ADAMTS14: variants seen among roughly 807,000 people sequenced by gnomAD.
The protein encoded by ADAMTS14 is A disintegrin and metalloproteinase with thrombospondin motifs 14.
ADAMTS14 carries 100 observed loss-of-function variants against 128.6 expected under a neutral mutation model. The ratio of observed to expected loss-of-function variants is 0.78; its 90% CI spans 0.66 to 0.92. The LOEUF is 0.92. Ranked by LOEUF, ADAMTS14 falls within the 40% of genes least tolerant of loss-of-function variation. ADAMTS14 has a pLI of 0.00. For missense variants in ADAMTS14, 1,562 were observed against 1,658.6 expected, an observed-to-expected ratio of 0.94 and a Z score of 1.01; for synonymous variants, 665 against 653.8, an observed-to-expected ratio of 1.02 and a Z score of -0.26.
intron 6 of ADAMTS14, among the ~76,000 whole-genome samples, chr10:70,730,899 GT>G (rs1302467717): frequency 6.6e-6 from 1 of 152,164 alleles, no homozygotes; most frequent in African/African-American, 2.4e-5. Flanking sequence ...TGCCCATGTG[GT>G]TTAGCAGACA....
At chr10:70,694,291 C>T (rs775805680) in intron 2 of ADAMTS14, among the ~76,000 whole-genome samples, 1 of 152,218 alleles carries the variant, frequency 6.6e-6, no homozygotes, top group Non-Finnish European at 1.5e-5. Context: ...GTGTCCTCTC[C>T]GTGCTTGTGT....
chr10:70,735,394 C>A, intron 9 of ADAMTS14, 93 bp downstream of exon 9: 1 of 1,500,748 alleles, frequency 6.7e-7, no homozygotes. Context: ...GCCTTCTGCC[C>A]AGCTGGCCAG....
chr10:70,710,104 C>T (rs975186154), intron 4 of ADAMTS14, among the ~76,000 whole-genome samples: 5 of 152,176 alleles, frequency 3.3e-5, no homozygotes, highest in African/African-American at 7.2e-5. Flanking sequence ...AGTGTAGTAC[C>T]GGAGGCAGGT....
chr10:70,745,451 T>TAGA (rs1165205750), intron 15 of ADAMTS14, 145 bp downstream of exon 15: 2 of 881,012 alleles, frequency 2.3e-6, no homozygotes, highest in Non-Finnish European at 3.6e-6. Flanking sequence ...CTTTTCATTT[T>TAGA]ATTTTAAATT....
At chr10:70,686,143 T>C (rs1839944138) in intron 2 of ADAMTS14, among the ~76,000 whole-genome samples, 1 of 152,200 alleles carries the variant, frequency 6.6e-6, no homozygotes, top group African/African-American at 2.4e-5. Flanking sequence ...TTCAGTAGCA[T>C]GGCTGATGGG....
At chr10:70,674,532 T>G in intron 1 of ADAMTS14, 24 bp from the exon 2 acceptor site, 2 of 1,597,564 alleles carry the variant, frequency 1.3e-6, no homozygotes, top group Non-Finnish European at 1.7e-6. Context: ...TGCATTGAAG[T>G]GACTCTTTGT....
chr10:70,691,122 C>G lies in ADAMTS14; in HGVS notation c.523-11190C>G, dbSNP rs1267930721. On this transcript the variant is annotated intron_variant, in intron 2 of 21. Transcript: ENST00000373207. ...GGCAGTCTCTGAGCACCTACAGGTC[C>G]TGCCTCTGGGCCAGGACATCTGCCT... Among the ~76,000 whole-genome samples, 15 of 144,706 alleles carry G rather than the reference C, an allele frequency of 1.0e-4. No individual in the cohort carries two copies. In the East Asian group the frequency reaches 2.9e-3, roughly 28 times the overall value. 94.9% of individuals were successfully genotyped at this position (144,706 alleles called of 152,430 possible).
At chr10:70,724,242 C>T (rs1353502640) in intron 4 of ADAMTS14, among the ~76,000 whole-genome samples, 1 of 152,178 alleles carries the variant, frequency 6.6e-6, no homozygotes, top group Non-Finnish European at 1.5e-5. Flanking sequence ...GGTGCTGAAT[C>T]CTAATGTAGG....
intron 4 of ADAMTS14, among the ~76,000 whole-genome samples, chr10:70,723,459 A>T (rs35848501): frequency 0.15 from 23,521 of 152,302 alleles, 2,198 homozygotes; most frequent in Non-Finnish European, 0.22. Context: ...AGATGTTAAC[A>T]TTTGGAATAA....
Position 70,672,875 on chromosome 10 carries a change from C to G in ADAMTS14, c.73C>G (p.Arg25Gly). The G allele has an allele frequency of 6.7e-7, 1 of 1,497,906 alleles. No individual in the cohort carries two copies. 92.8% of individuals were successfully genotyped at this position (1,497,906 alleles called of 1,614,324 possible). A position where few individuals can be genotyped will look rare whatever the true frequency, so the allele number is the denominator to read the frequency against. Residue 25 changes from arginine to glycine, a missense_variant, in exon 1 of 22, where the codon CGG becomes GGG. By Grantham distance (125) the Arg-to-Gly change is moderately radical. Coordinates refer to ENST00000373207, the MANE Select transcript of ADAMTS14 (RefSeq NM_080722.4). ...TGCGCTCTGCGCCGCCGCGGGCAGCCGGACCCCAGGTGCGTGCGGGTTGGG... is the reference window on the plus strand; with the variant it reads ...TGCGCTCTGCGCCGCCGCGGGCAGCGGGACCCCAGGTGCGTGCGGGTTGGG... The part of the protein sequence containing the change: ...HCALCAAAGS[R>G]TPELHLSGKL...
chr10:70,707,145 C>G (rs1840693254), intron 3 of ADAMTS14, among the ~76,000 whole-genome samples: 1 of 152,220 alleles, frequency 6.6e-6, no homozygotes, highest in Non-Finnish European at 1.5e-5. Flanking sequence ...TTTGATATTC[C>G]TGTATTGTTA....
At chr10:70,748,501 G>A (rs574433928) in intron 15 of ADAMTS14, among the ~76,000 whole-genome samples, 1 of 152,286 alleles carries the variant, frequency 6.6e-6, no homozygotes, top group East Asian at 1.9e-4. Context: ...GAAGGGGCGA[G>A]GCTCTTCTTT....
intron 2 of ADAMTS14, among the ~76,000 whole-genome samples, chr10:70,700,972 A>G (rs1445551499): frequency 1.3e-5 from 2 of 152,228 alleles, no homozygotes; most frequent in Non-Finnish European, 2.9e-5. Context: ...GTGACAGGGA[A>G]GCCTCAAATT....
chr10:70,674,526 T>G (rs377487930), intron 1 of ADAMTS14, 30 bp from the exon 2 acceptor site: 141 of 1,594,354 alleles, frequency 8.8e-5, no homozygotes, highest in Non-Finnish European at 1.2e-4. Context: ...ACCGACTGCA[T>G]TGAAGTGACT....
intron 4 of ADAMTS14, among the ~76,000 whole-genome samples, chr10:70,712,365 T>A (rs1840889622): frequency 6.6e-6 from 1 of 152,194 alleles, no homozygotes; most frequent in Admixed American, 6.5e-5. Flanking sequence ...CAAGCCCTAT[T>A]GCAGCCCCAG....
chr10:70,689,271 C>T (rs1004828987), intron 2 of ADAMTS14, among the ~76,000 whole-genome samples: 2 of 144,894 alleles, frequency 1.4e-5, no homozygotes, highest in African/African-American at 4.9e-5. Flanking sequence ...AGGCCTGACC[C>T]GAAGGATGCT....
At chr10:70,696,356 G>T (rs961577710) in intron 2 of ADAMTS14, among the ~76,000 whole-genome samples, 2 of 149,828 alleles carry the variant, frequency 1.3e-5, no homozygotes, top group East Asian at 4.1e-4. Flanking sequence ...GACTGGGCAG[G>T]GGGGCAGTGT....
intron 16 of ADAMTS14, 105 bp from the exon 17 acceptor site, chr10:70,751,373 G>A: frequency 7.0e-6 from 8 of 1,148,262 alleles, no homozygotes; most frequent in Non-Finnish European, 1.0e-5. Flanking sequence ...AGCTTTCACA[G>A]GTTCTGCTCC....
chr10:70,739,129 C>A, intron 11 of ADAMTS14, 139 bp downstream of exon 11: 1 of 1,098,898 alleles, frequency 9.1e-7, no homozygotes, highest in Non-Finnish European at 1.3e-6. Flanking sequence ...CATGAGGACA[C>A]AAACTTGTTG....
Sources: gnomAD v4.1 joint callset for allele counts (sites outside exome capture counted in the v4.1 genomes callset) on GRCh38, gnomAD v4.1.1 for gene constraint, MANE v1.5 for transcripts, NCBI Gene and HGNC (gene_info 2026-07-23, HGNC 2026-07-21) for gene names.